PTPRG: variants seen among roughly 807,000 people sequenced by gnomAD.
PTPRG encodes receptor-type tyrosine-protein phosphatase gamma.
A neutral mutation model predicts 165.3 loss-of-function variants in PTPRG; 102 were observed. The observed-to-expected ratio is 0.62, with a 90% CI of 0.53 to 0.73. The LOEUF (loss-of-function observed/expected upper bound fraction) is 0.73. PTPRG is among the 30% of genes least tolerant of loss of function. The pLI, the probability that PTPRG is intolerant of heterozygous loss-of-function variation, is 0.00. For missense variants in PTPRG, 1,866 were observed against 1,861.4 expected (o/e 1.00, Z -0.05); for synonymous variants, 675 against 669.5 (o/e 1.01, Z -0.13).
At chr3:61,720,445 A>G (rs1298286503) in intron 1 of PTPRG, among the ~76,000 whole-genome samples, 7 of 152,146 alleles carry the variant, frequency 4.6e-5, no homozygotes, top group Non-Finnish European at 1.0e-4. Context: ...TTAAACTCGT[A>G]TTTAATTGTA....
At chr3:62,010,742 A>G (rs912129413) in intron 4 of PTPRG, among the ~76,000 whole-genome samples, 1 of 152,330 alleles carries the variant, frequency 6.6e-6, no homozygotes, top group Admixed American at 6.5e-5. Flanking sequence ...ACTTGATGCT[A>G]TCTTGTTTTA....
chr3:61,571,599 A>G (rs923526982), intron 1 of PTPRG, among the ~76,000 whole-genome samples: 5 of 152,206 alleles, frequency 3.3e-5, no homozygotes, highest in African/African-American at 7.2e-5. Context: ...TAAGCTGATA[A>G]TAACTGTGGA....
intron 10 of PTPRG, among the ~76,000 whole-genome samples, chr3:62,200,670 C>G (rs1203111059): frequency 6.6e-6 from 1 of 152,050 alleles, no homozygotes; most frequent in Non-Finnish European, 1.5e-5. Flanking sequence ...ACACATAGAA[C>G]AGAGCTACAG....
intron 1 of PTPRG, among the ~76,000 whole-genome samples, chr3:61,741,475 A>G (rs2032982261): frequency 6.6e-6 from 1 of 152,186 alleles, no homozygotes; most frequent in Non-Finnish European, 1.5e-5. Flanking sequence ...AAGCTGACCT[A>G]TTCTCCCAGG....
At chr3:62,286,185 G>A (rs144644976) in intron 28 of PTPRG, among the ~76,000 whole-genome samples, 214 of 152,202 alleles carry the variant, frequency 1.4e-3, no homozygotes, top group African/African-American at 4.6e-3. Flanking sequence ...GTGACACAAG[G>A]CATATGGACT....
chr3:61,564,679 C>T (rs1444943444), intron 1 of PTPRG, among the ~76,000 whole-genome samples: 1 of 152,160 alleles, frequency 6.6e-6, no homozygotes, highest in Non-Finnish European at 1.5e-5. Flanking sequence ...GAGACGCTGG[C>T]TTTTCGTTTT....
At chr3:62,178,761 C>G (rs1272097831) in intron 8 of PTPRG, among the ~76,000 whole-genome samples, 1 of 152,204 alleles carries the variant, frequency 6.6e-6, no homozygotes, top group East Asian at 1.9e-4. Flanking sequence ...CATCTCTAGG[C>G]AGGTAGACAG....
At chr3:61,901,556 G>A (rs1178286053) in intron 2 of PTPRG, among the ~76,000 whole-genome samples, 1 of 152,196 alleles carries the variant, frequency 6.6e-6, no homozygotes, top group Non-Finnish European at 1.5e-5. Flanking sequence ...CACGCTATGT[G>A]CAAGATGTAT....
intron 3 of PTPRG, among the ~76,000 whole-genome samples, chr3:61,996,839 A>G (rs1203127): frequency 0.55 from 83,336 of 151,812 alleles, 23,777 homozygotes; most frequent in African/African-American, 0.71. Flanking sequence ...CTTTGGCTAG[A>G]TACTCTGCAA....
chr3:61,871,503 C>A (rs2037582810), intron 2 of PTPRG, among the ~76,000 whole-genome samples: 1 of 152,054 alleles, frequency 6.6e-6, no homozygotes, highest in Non-Finnish European at 1.5e-5. Context: ...CACACCCGGC[C>A]CCTTTTACTG....
intron 2 of PTPRG, 172 bp downstream of exon 2, chr3:61,749,154 C>T: frequency 1.4e-6 from 1 of 700,286 alleles, no homozygotes; most frequent in South Asian, 1.5e-5. Flanking sequence ...TTATAAGCAC[C>T]TTAATTTATC....
chr3:62,012,277 C>G (rs1328685659), intron 4 of PTPRG, among the ~76,000 whole-genome samples: 1 of 152,188 alleles, frequency 6.6e-6, no homozygotes, highest in Admixed American at 6.5e-5. Flanking sequence ...GCTCGAATAT[C>G]TCCAACACCT....
intron 5 of PTPRG, among the ~76,000 whole-genome samples, chr3:62,097,890 G>A (rs1370748285): frequency 6.6e-6 from 1 of 152,164 alleles, no homozygotes; most frequent in East Asian, 1.9e-4. Context: ...TCAGTGAAAT[G>A]TTTTTAAATG....
rs563442729 is a variant in PTPRG at position 61,990,427 on chromosome 3, A to G, written c.370+623A>G. ...GTCTCATCCCTTTGTGTATCAGACC[A>G]GCAATTCAATTCTTCCACTTGTCAT... On this transcript the variant is annotated intron_variant, in intron 3 of 29. Coordinates refer to ENST00000474889, the MANE Select transcript of PTPRG (RefSeq NM_002841.4). 1.1e-4 allele frequency among the ~76,000 whole-genome samples: 16 copies of G among 152,358 alleles called. 1 individual carries two copies. In the South Asian group the frequency reaches 3.1e-3, roughly 30 times the overall value.
At chr3:62,057,283 T>C (rs188382971) in intron 4 of PTPRG, among the ~76,000 whole-genome samples, 2 of 152,338 alleles carry the variant, frequency 1.3e-5, no homozygotes, top group South Asian at 2.1e-4. Context: ...CCATTGAACA[T>C]TGTCTGGAAA....
intron 1 of PTPRG, among the ~76,000 whole-genome samples, chr3:61,672,763 A>AGGG (rs1559550803): frequency 2.9e-4 from 28 of 95,526 alleles, no homozygotes; most frequent in African/African-American, 9.3e-4. Context: ...GGAGAGGGAG[A>AGGG]AGAGGGAGAG....
chr3:61,629,985 A>G (rs1267261421), intron 1 of PTPRG, among the ~76,000 whole-genome samples: 1 of 152,248 alleles, frequency 6.6e-6, no homozygotes, highest in Admixed American at 6.5e-5. Flanking sequence ...AGCATTTTCA[A>G]GTAATGGGCA....
intron 1 of PTPRG, among the ~76,000 whole-genome samples, chr3:61,661,759 C>T (rs1702675055): frequency 6.6e-6 from 1 of 151,846 alleles, no homozygotes; most frequent in East Asian, 1.9e-4. Context: ...ATAACAGACT[C>T]AGCCCTAGAC....
intron 2 of PTPRG, among the ~76,000 whole-genome samples, chr3:61,939,928 C>CTTTTTTTTTTTTTTTTTTTTTTTT (rs561334410): frequency 5.1e-5 from 2 of 39,108 alleles, no homozygotes; most frequent in African/African-American, 9.0e-5. Context: ...ACTGACTTGT[C>CTTTTTTTTTTTTTTTTTTTTTTTT]TTTTTTTTTT....
Sources: allele counts gnomAD v4.1 joint callset (sites outside exome capture counted in the v4.1 genomes callset), GRCh38; gene constraint gnomAD v4.1.1; transcripts MANE v1.5; gene names NCBI Gene and HGNC (gene_info 2026-07-23, HGNC 2026-07-21).